The following CNTRL variants were observed in gnomAD, a reference collection of about 807,000 sequenced individuals.
CNTRL encodes the protein 110 kDa centrosomal protein.
Under a neutral mutation model 303.7 loss-of-function variants are expected in CNTRL, and 233 were observed. The observed-to-expected ratio is 0.77, with a 90% CI of 0.69 to 0.86. The LOEUF (loss-of-function observed/expected upper bound fraction) is 0.86, where lower values mean the gene tolerates loss of function less well. CNTRL is among the 40% of genes least tolerant of loss of function. The pLI is 0.00. For missense variants in CNTRL, 2,524 were observed against 2,650.6 expected (o/e 0.95, Z 1.05); for synonymous variants, 900 against 922.2 (o/e 0.98, Z 0.44).
chr9:121,153,890 G>C (rs1013744279), intron 26 of CNTRL, among the ~76,000 whole-genome samples: 2 of 152,198 alleles, frequency 1.3e-5, no homozygotes, highest in Admixed American at 1.3e-4. Context: ...ACACCTAAAA[G>C]ATAGGGGCTA....
chr9:121,099,565 G>A lies in CNTRL; in HGVS notation c.808+993G>A, dbSNP rs542321569. Among the ~76,000 whole-genome samples, 6 of 152,312 alleles carry A rather than the reference G, an allele frequency of 3.9e-5. No homozygotes were observed. In the East Asian group the frequency reaches 9.6e-4, roughly 24 times the overall value. On this transcript the variant is annotated intron_variant, in intron 7 of 43. Coordinates refer to ENST00000373855, the MANE Select transcript of CNTRL (RefSeq NM_007018.6). ...GATGGATGGAGAATGACTTTAACGA[G>A]TTGAAAGAAGAAGGCTTCAGAAGAT...
At chr9:121,169,911 A>G (rs761317861) in intron 39 of CNTRL, 95 bp downstream of exon 39, 3 of 994,472 alleles carry the variant, frequency 3.0e-6, no homozygotes, top group Non-Finnish European at 4.5e-6. Context: ...TAAATTACCC[A>G]TCAACCCAGT....
intron 14 of CNTRL, among the ~76,000 whole-genome samples, chr9:121,133,757 C>T (rs1260542734): frequency 6.6e-6 from 1 of 152,214 alleles, no homozygotes; most frequent in Non-Finnish European, 1.5e-5. Flanking sequence ...AGCTGCAGAC[C>T]AAGCTGTTCC....
chr9:121,146,088 A>G lies in CNTRL; in HGVS notation c.3311-20A>G, dbSNP rs2051835579. 1.3e-6 allele frequency: 2 copies of G among 1,576,102 alleles called. No individual in the cohort carries two copies. Among genetic ancestry groups the G allele is most frequent in the Non-Finnish European group, 1.7e-6 (2 of 1,163,130 alleles). On this transcript the variant is annotated intron_variant, in intron 22 of 43. Coordinates refer to ENST00000373855, the MANE Select transcript of CNTRL (RefSeq NM_007018.6). ...GTAAGTGATTTCATATCAATTTCAT[A>G]GAATGACTTTTCTTTACAGACAACA... is the stretch of plus-strand genomic sequence containing the variant.
At chr9:121,092,960 C>T (rs994937421) in intron 4 of CNTRL, among the ~76,000 whole-genome samples, 2 of 149,208 alleles carry the variant, frequency 1.3e-5, no homozygotes, top group African/African-American at 5.0e-5. Context: ...GCACGTGCTA[C>T]GACGCCCAGC....
intron 1 of CNTRL, among the ~76,000 whole-genome samples, chr9:121,077,687 G>A (rs993252449): frequency 2.3e-4 from 35 of 152,252 alleles, no homozygotes; most frequent in African/African-American, 8.2e-4. Context: ...GCTCACACCT[G>A]TAATCCCAGC....
Position 121,090,302 on chromosome 9 carries a change from A to G in CNTRL, c.245A>G (p.Tyr82Cys). The change falls in exon 4 of 44, where the codon TAT (tyrosine) becomes TGT (cysteine). Residue 82 changes from tyrosine (Y) to cysteine (C), a missense_variant. Coordinates refer to ENST00000373855, the MANE Select transcript of CNTRL (RefSeq NM_007018.6). ...GCTGATTCACATGCAGGAGTTAGATATATTACAGAGGCCCTCATTAAAAAA... is the reference window on the plus strand; with the variant it reads ...GCTGATTCACATGCAGGAGTTAGATGTATTACAGAGGCCCTCATTAAAAAA... ...KGADSHAGVR[Y>C]ITEALIKKLT... 2 of 1,611,456 alleles carry G rather than the reference A, an allele frequency of 1.2e-6. No homozygotes were observed. Among genetic ancestry groups the G allele is most frequent in the Non-Finnish European group, 1.7e-6 (2 of 1,178,684 alleles).
rs564201321 is a variant in CNTRL, at chr9:121,094,408, C to T, written c.349-480C>T. ...GGAGACTGAACTGTGATAATTAATC[C>T]ACTCCCAAGATAATGGCATTAATTC... On this transcript the variant is annotated intron_variant, in intron 4 of 43. Coordinates refer to ENST00000373855, the MANE Select transcript of CNTRL (RefSeq NM_007018.6). Among the ~76,000 whole-genome samples the T allele has an allele frequency of 2.6e-5, 4 of 152,070 alleles. No homozygotes were observed. The South Asian group carries it at 6.2e-4, about 24-fold the overall frequency.
rs1440709183 is a variant in CNTRL, at chr9:121,173,639, A to C, written c.6685-36A>C. 5 of 1,612,684 alleles carry C rather than the reference A, an allele frequency of 3.1e-6. No individual in the cohort carries two copies. The East Asian group carries it at 8.9e-5, about 29-fold the overall frequency. On this transcript the variant is annotated intron_variant, in intron 41 of 43. Transcript: ENST00000373855. Reference sequence around the variant, plus strand: ...GGTTGGCTTCCATTTGTAGCAGCAGATGATTCATGATATCTCTATTTTCCC... The same window carrying C: ...GGTTGGCTTCCATTTGTAGCAGCAGCTGATTCATGATATCTCTATTTTCCC...
intron 8 of CNTRL, among the ~76,000 whole-genome samples, chr9:121,112,247 G>A (rs2049780116): frequency 1.3e-5 from 2 of 151,952 alleles, no homozygotes; most frequent in Admixed American, 6.6e-5. Flanking sequence ...AAACTTCAAA[G>A]GTCTTTTACA....
chr9:121,113,419 G>A, intron 9 of CNTRL, 83 bp from the exon 10 acceptor site: 1 of 677,114 alleles, frequency 1.5e-6, no homozygotes, highest in Non-Finnish European at 2.4e-6. Flanking sequence ...TCTGTGATAT[G>A]TTTGCCACTA....
Position 121,112,543 on chromosome 9 carries a change from G to T in CNTRL, c.1087G>T (p.Ala363Ser), listed in dbSNP as rs1197364906. 1.9e-6 allele frequency: 3 copies of T among 1,612,386 alleles called. No individual in the cohort carries two copies. The South Asian group carries it at 3.3e-5, about 18-fold the overall frequency. The stretch of plus-strand genomic sequence containing the variant: ...GGAATTGGCCTTTTATAAAATTGAT[G>T]CTAAATTTGAGCCACTAAATTATTA... Reference protein sequence around the residue: ...EQELAFYKIDAKFEPLNYYPS... With the variant: ...EQELAFYKIDSKFEPLNYYPS... Residue 363 changes from alanine to serine, a missense_variant, in exon 9 of 44, where the codon GCT becomes TCT. Physicochemically the swap from Ala to Ser is moderately conservative, Grantham distance 99. Transcript: ENST00000373855.
intron 27 of CNTRL, among the ~76,000 whole-genome samples, chr9:121,156,103 TG>T (rs1370032889): frequency 6.6e-6 from 1 of 151,894 alleles, no homozygotes; most frequent in African/African-American, 2.4e-5. Context: ...AAAAAATCAC[TG>T]GTATAATAAT....
chr9:121,166,316 A>G, intron 36 of CNTRL, 136 bp downstream of exon 36: 3 of 584,830 alleles, frequency 5.1e-6, no homozygotes, highest in Non-Finnish European at 9.0e-6. Flanking sequence ...TAACATAACC[A>G]TCACATAAAT....
intron 40 of CNTRL, among the ~76,000 whole-genome samples, chr9:121,172,024 C>G (rs2053326624): frequency 1.3e-5 from 2 of 152,272 alleles, no homozygotes; most frequent in African/African-American, 4.8e-5. Context: ...TTTAGAGCAT[C>G]TGGGCCATCC....
rs2053575998 is a variant in CNTRL, at chr9:121,177,543, AG to A, written c.*358del. ...TGTACTTAAGGCCCTCTTTATTTAT[AG>A]TGTCGAGTTATTTTTGAATTTTGCT... On this transcript the variant is annotated 3_prime_UTR_variant, in exon 44 of 44. Coordinates refer to ENST00000373855, the MANE Select transcript of CNTRL (RefSeq NM_007018.6). The A allele has an allele frequency of 4.1e-6, 1 of 245,770 alleles. No individual in the cohort carries two copies. The highest frequency in any genetic ancestry group is 2.2e-5 in the African/African-American group (1 of 45,398). 15.2% of individuals were successfully genotyped at this position (245,770 alleles called of 1,614,324 possible). A position where few individuals can be genotyped will look rare whatever the true frequency, so the allele number is the denominator to read the frequency against.
At chr9:121,147,086 G>A (rs556033373) in intron 23 of CNTRL, among the ~76,000 whole-genome samples, 508 of 152,200 alleles carry the variant, frequency 3.3e-3, no homozygotes, top group Non-Finnish European at 5.5e-3. Flanking sequence ...CCTTGCAACT[G>A]CTGCCTCCGG....
chr9:121,159,660 G>A (rs1354451426), intron 31 of CNTRL, among the ~76,000 whole-genome samples: 1 of 150,940 alleles, frequency 6.6e-6, no homozygotes, highest in Admixed American at 6.6e-5. Context: ...ACCCTGGCTG[G>A]TGACAGAGTG....
chr9:121,107,761 G>T, intron 7 of CNTRL, 41 bp from the exon 8 acceptor site: 1 of 1,192,136 alleles, frequency 8.4e-7, no homozygotes, highest in Non-Finnish European at 1.2e-6. Flanking sequence ...TTAAAAATAG[G>T]AAATATAATG....
Sources: allele counts gnomAD v4.1 joint callset (sites outside exome capture counted in the v4.1 genomes callset), GRCh38; gene constraint gnomAD v4.1.1; transcripts MANE v1.5; gene names NCBI Gene and HGNC (gene_info 2026-07-23, HGNC 2026-07-21).